Variants in FTCDNL1 observed in about 807,000 individuals in gnomAD.
FTCDNL1 encodes the protein formiminotransferase N-terminal subdomain-containing protein.
FTCDNL1 carries 11 observed loss-of-function variants against 5.9 expected under a neutral mutation model. That is an observed-to-expected ratio of 1.87 (90% CI 1.18 to 3.10). The LOEUF is 3.10. Ranked by LOEUF, FTCDNL1 falls within the 30% of genes most tolerant of loss-of-function variation. The pLI is 0.00. For missense variants in FTCDNL1, 115 were observed against 65.5 expected (o/e 1.76, Z -2.61); for synonymous variants, 58 against 24.8 (o/e 2.34, Z -3.99).
intron 2 of FTCDNL1, among the ~76,000 whole-genome samples, chr2:199,847,074 A>C (rs1394819347): frequency 6.6e-6 from 1 of 152,182 alleles, no homozygotes; most frequent in Non-Finnish European, 1.5e-5. Context: ...TAATGTGAGA[A>C]GATAAACATA....
chr2:199,698,025 G>A, the FTCDNL1 span, among the ~76,000 whole-genome samples: 99,978 of 152,022 alleles, frequency 0.66, 36,296 homozygotes, highest in South Asian at 0.9. Context: ...ACAATGATCA[G>A]AAAGGACAAA....
the FTCDNL1 span, among the ~76,000 whole-genome samples, chr2:199,670,379 C>T: frequency 3.3e-5 from 5 of 152,172 alleles, no homozygotes; most frequent in African/African-American, 1.2e-4. Context: ...ACTTTCCAGT[C>T]TCTGGGTTTT....
the FTCDNL1 span, among the ~76,000 whole-genome samples, chr2:199,696,174 C>T: frequency 0.66 from 99,677 of 151,832 alleles, 36,134 homozygotes; most frequent in South Asian, 0.89. Context: ...TGCCGCCACC[C>T]TGCCACTAGG....
chr2:199,704,864 T>G, the FTCDNL1 span, among the ~76,000 whole-genome samples: 1 of 151,972 alleles, frequency 6.6e-6, no homozygotes, highest in Non-Finnish European at 1.5e-5. Context: ...TCCACAGACA[T>G]AGAGATCCAA....
rs1245205594 is a variant in FTCDNL1 at position 199,811,310 on chromosome 2, C to T, written c.*1395G>A. ...CACTCTTTAACAGAAAACTTCCAAA[C>T]ATTTTTCTCTCATTTACCCCCCAAT... On this transcript the variant is annotated 3_prime_UTR_variant, in exon 5 of 5. Transcript: ENST00000420128. Among the ~76,000 whole-genome samples, 1 of 152,176 alleles carries T rather than the reference C, an allele frequency of 6.6e-6. No individual in the cohort carries two copies. The highest frequency in any genetic ancestry group is 1.5e-5 in the Non-Finnish European group (1 of 68,022).
intron 3 of FTCDNL1, among the ~76,000 whole-genome samples, chr2:199,763,672 C>T (rs563862799): frequency 6.6e-6 from 1 of 152,072 alleles, no homozygotes. Context: ...GACCTCTCCC[C>T]CTATTCAATG....
intron 3 of FTCDNL1, among the ~76,000 whole-genome samples, chr2:199,781,051 G>C (rs1699337928): frequency 6.6e-6 from 1 of 152,154 alleles, no homozygotes; most frequent in Admixed American, 6.5e-5. Context: ...GGTGTCAGAG[G>C]CTGGCTGATG....
At chr2:199,820,029 T>A (rs1701588825) in intron 3 of FTCDNL1, among the ~76,000 whole-genome samples, 1 of 152,242 alleles carries the variant, frequency 6.6e-6, no homozygotes, top group African/African-American at 2.4e-5. Flanking sequence ...CTTGCCTTGA[T>A]ACAAGCAGGC....
intron 3 of FTCDNL1, among the ~76,000 whole-genome samples, chr2:199,780,697 T>G (rs2106325165): frequency 6.6e-6 from 1 of 152,296 alleles, no homozygotes; most frequent in African/African-American, 2.4e-5. Context: ...GAGCCCTAGC[T>G]TAGGGCATGG....
At chr2:199,705,089 C>T in the FTCDNL1 span, among the ~76,000 whole-genome samples, 2 of 152,036 alleles carry the variant, frequency 1.3e-5, no homozygotes, top group Non-Finnish European at 2.9e-5. Flanking sequence ...CAGAAGGTCA[C>T]ACAAGGGAGA....
the FTCDNL1 span, among the ~76,000 whole-genome samples, chr2:199,748,338 G>A: frequency 3.9e-5 from 6 of 152,124 alleles, no homozygotes; most frequent in Admixed American, 2.0e-4. Context: ...TTTTAAGACA[G>A]AACTCTCTCC....
chr2:199,759,113 T>C (rs1401951465), downstream of FTCDNL1, among the ~76,000 whole-genome samples: 3 of 151,708 alleles, frequency 2.0e-5, no homozygotes, highest in Non-Finnish European at 4.4e-5. Flanking sequence ...AATATATATG[T>C]ATTATATGTG....
chr2:199,791,447 G>A (rs1699921316), intron 3 of FTCDNL1, among the ~76,000 whole-genome samples: 1 of 152,060 alleles, frequency 6.6e-6, no homozygotes, highest in African/African-American at 2.4e-5. Flanking sequence ...TCAACTATTA[G>A]ATTATGATTT....
chr2:199,805,932 A>T (rs191618157), downstream of FTCDNL1, among the ~76,000 whole-genome samples: 21 of 151,970 alleles, frequency 1.4e-4, no homozygotes, highest in South Asian at 3.3e-3. Flanking sequence ...AAAAAAAAAA[A>T]GTATATGGAA....
chr2:199,725,364 T>C, the FTCDNL1 span, among the ~76,000 whole-genome samples: 1 of 152,206 alleles, frequency 6.6e-6, no homozygotes, highest in East Asian at 1.9e-4. Flanking sequence ...GTCTTTTAAT[T>C]GGGACATTTA....
the FTCDNL1 span, among the ~76,000 whole-genome samples, chr2:199,677,116 T>A: frequency 6.6e-6 from 1 of 152,194 alleles, no homozygotes; most frequent in South Asian, 2.1e-4. Context: ...TTGATTTCAA[T>A]GTGCCATGTG....
the FTCDNL1 span, among the ~76,000 whole-genome samples, chr2:199,701,299 T>TAAAAAAAAAA: frequency 2.8e-5 from 2 of 72,384 alleles, no homozygotes; most frequent in African/African-American, 8.9e-5. Context: ...CTTGAAAGTT[T>TAAAAAAAAAA]AAAAAAAAAA....
At chr2:199,755,195 G>T in the FTCDNL1 span, among the ~76,000 whole-genome samples, 1 of 152,194 alleles carries the variant, frequency 6.6e-6, no homozygotes, top group African/African-American at 2.4e-5. Context: ...CTGGGTACTT[G>T]GTTCATATGC....
At chr2:199,712,391 AT>A in the FTCDNL1 span, among the ~76,000 whole-genome samples, 78 of 152,316 alleles carry the variant, frequency 5.1e-4, 1 homozygote, top group South Asian at 0.016. Context: ...GTGCAAAAAT[AT>A]ATAGTTCAGA....
Sources: gnomAD v4.1 joint callset for allele counts (sites outside exome capture counted in the v4.1 genomes callset) on GRCh38, gnomAD v4.1.1 for gene constraint, MANE v1.5 for transcripts, NCBI Gene and HGNC (gene_info 2026-07-23, HGNC 2026-07-21) for gene names.